ABCA8: variants seen among roughly 807,000 people sequenced by gnomAD.
ABCA8 encodes the protein ATP binding cassette subfamily A member 8.
In ABCA8, 177 loss-of-function variants were observed where a neutral mutation model predicts 192.3. The observed-to-expected ratio is 0.92, with a 90% CI of 0.81 to 1.04. ABCA8 has a LOEUF of 1.04. ABCA8 is among the 50% of genes least tolerant of loss of function. The pLI is 0.00. For synonymous variants in ABCA8, 642 were observed against 690.2 expected (o/e 0.93, Z 1.09); for missense variants, 1,915 against 1,904.8 (o/e 1.01, Z -0.10).
Position 68,922,232 on chromosome 17 carries a change from T to TAAAA in ABCA8, c.1501+9_1501+10insTTTT. 1.6e-6 allele frequency: 1 copy of TAAAA among 614,682 alleles called. No individual in the cohort carries two copies. 38.1% of individuals were successfully genotyped at this position (614,682 alleles called of 1,614,324 possible). ...TTTTTTTTTTTTTTTTTTTTTTTTT[T>TAAAA]TTTTTTTACCTTTCAAGGCTTCTAT... On this transcript the variant is annotated intron_variant, in intron 12 of 39. Transcript: ENST00000586539.
At chr17:68,888,831 T>C (rs2066557204) in intron 24 of ABCA8, among the ~76,000 whole-genome samples, 3 of 152,062 alleles carry the variant, frequency 2.0e-5, no homozygotes, top group African/African-American at 7.2e-5. Flanking sequence ...TTCGAAGCCA[T>C]AGAGCTAGAT....
intron 11 of ABCA8, among the ~76,000 whole-genome samples, chr17:68,923,313 C>T (rs544614534): frequency 9.2e-5 from 14 of 151,938 alleles, no homozygotes; most frequent in African/African-American, 3.1e-4. Context: ...GATTCTTGTG[C>T]CTCAGTCACC....
intron 37 of ABCA8, among the ~76,000 whole-genome samples, chr17:68,871,453 G>T (rs551887622): frequency 1.3e-5 from 2 of 152,300 alleles, no homozygotes; most frequent in South Asian, 4.2e-4. Context: ...TAACAGATGT[G>T]AGGTGATATC....
At position 68,943,690 on chromosome 17, in the gene ABCA8, T is replaced by C. The variant is rs566639054; in HGVS notation, c.-5-1651A>G. Among the ~76,000 whole-genome samples the C allele has an allele frequency of 3.9e-5, 6 of 152,172 alleles. No homozygotes were observed. In the East Asian group the frequency reaches 1.2e-3, roughly 29 times the overall value. On this transcript the variant is annotated intron_variant, in intron 2 of 39. Coordinates refer to ENST00000586539, the MANE Select transcript of ABCA8 (RefSeq NM_001288985.2). The stretch of plus-strand genomic sequence containing the variant: ...AAGGGACCCATGAACAGTTTCAGAA[T>C]TGGTAGAGTATTAGAGAAAGACATG...
At chr17:68,884,952 G>C in intron 27 of ABCA8, 1 of 725,018 alleles carries the variant, frequency 1.4e-6, no homozygotes, top group Non-Finnish European at 1.7e-6. Flanking sequence ...TGAGTATAAG[G>C]ACTACTCTGT....
At chr17:68,888,215 A>T (rs115600050) in intron 24 of ABCA8, among the ~76,000 whole-genome samples, 2,527 of 151,684 alleles carry the variant, frequency 0.017, 65 homozygotes, top group African/African-American at 0.056. Context: ...GTATCTACAT[A>T]AATATAAATA....
At chr17:68,869,588 A>G (rs539967088) in intron 38 of ABCA8, 112 bp downstream of exon 38, 18 of 789,726 alleles carry the variant, frequency 2.3e-5, no homozygotes, top group Non-Finnish European at 3.8e-5. Context: ...TGAGACTGTA[A>G]CTTTAAAATG....
rs747669065 is a variant in ABCA8, at chr17:68,949,606, C to T, written c.-166-134G>A. On this transcript the variant is annotated intron_variant, in intron 1 of 39. Coordinates refer to ENST00000586539, the MANE Select transcript of ABCA8 (RefSeq NM_001288985.2). ...AAAAGCTTATCCACCATGATCAAGT[C>T]GCTTCATCCCTGGGATGCAAGGCTA... 3.9e-5 allele frequency: 6 copies of T among 152,132 alleles called. No individual in the cohort carries two copies. In the East Asian group the frequency reaches 9.6e-4, roughly 24 times the overall value. 9.4% of individuals were successfully genotyped at this position (152,132 alleles called of 1,614,324 possible).
At chr17:68,872,536 C>G (rs1392549692) in intron 37 of ABCA8, among the ~76,000 whole-genome samples, 2 of 150,380 alleles carry the variant, frequency 1.3e-5, no homozygotes, top group Non-Finnish European at 3.0e-5. Flanking sequence ...ATGTAACTAA[C>G]CTGCACAATG....
Position 68,883,772 on chromosome 17 carries a change from C to T in ABCA8, c.3707+19G>A, listed in dbSNP as rs866898613. The T allele has an allele frequency of 6.9e-7, 1 of 1,443,162 alleles. No homozygotes were observed. The highest frequency in any genetic ancestry group is 1.4e-5 in the African/African-American group (1 of 69,554). 89.4% of individuals were successfully genotyped at this position (1,443,162 alleles called of 1,614,324 possible). ...CGATATTGATCAACAAAATAAAAAT[C>T]TGATGTGTTTTTTCCAACCTAAAGA... is the stretch of plus-strand genomic sequence containing the variant. On this transcript the variant is annotated intron_variant, in intron 29 of 39. Transcript: ENST00000586539.
At chr17:68,927,603 T>G (rs1293482399) in intron 10 of ABCA8, among the ~76,000 whole-genome samples, 1 of 151,962 alleles carries the variant, frequency 6.6e-6, no homozygotes, top group Non-Finnish European at 1.5e-5. Context: ...CAGCTATAAA[T>G]GACCATGATT....
At chr17:68,921,555 C>A in intron 12 of ABCA8, 63 bp from the exon 13 acceptor site, 1 of 1,036,568 alleles carries the variant, frequency 9.6e-7, no homozygotes, top group Non-Finnish European at 1.4e-6. Context: ...ATTAAAACCA[C>A]AAAAAATATT....
intron 6 of ABCA8, 146 bp downstream of exon 6, chr17:68,933,022 G>T (rs1364041186): frequency 1.6e-6 from 1 of 621,430 alleles, no homozygotes; most frequent in Non-Finnish European, 2.9e-6. Context: ...TACATTCCGT[G>T]GTATATAGTA....
intron 17 of ABCA8, among the ~76,000 whole-genome samples, chr17:68,912,936 C>G (rs1056842155): frequency 6.6e-6 from 1 of 152,146 alleles, no homozygotes; most frequent in Admixed American, 6.5e-5. Flanking sequence ...TATGCAATGG[C>G]TGCAGAATAC....
chr17:68,868,368 TGAA>T lies in ABCA8; in HGVS notation c.4712-15_4712-13del. 1 of 1,607,546 alleles carries T rather than the reference TGAA, an allele frequency of 6.2e-7. No homozygotes were observed. Among genetic ancestry groups the T allele is most frequent in the Non-Finnish European group, 8.5e-7 (1 of 1,174,194 alleles). Reference sequence around the variant, plus strand: ...AAAGCTCTGTTTAACTGCATAGGGATGAACATGTATTAGTTCATATATTTCATA... The same window carrying T: ...AAAGCTCTGTTTAACTGCATAGGGATCATGTATTAGTTCATATATTTCATA... On this transcript the variant is annotated splice_polypyrimidine_tract_variant and intron_variant, in intron 38 of 39. Transcript: ENST00000586539.
At chr17:68,876,597 C>A (rs746140977) in intron 34 of ABCA8, 31 bp downstream of exon 34, 2 of 1,614,168 alleles carry the variant, frequency 1.2e-6, no homozygotes, top group South Asian at 2.2e-5. Flanking sequence ...ATCTATGGCA[C>A]TTGCAGAGCA....
At chr17:68,887,794 T>G (rs114294298) in intron 24 of ABCA8, among the ~76,000 whole-genome samples, 2,429 of 148,498 alleles carry the variant, frequency 0.016, 67 homozygotes, top group African/African-American at 0.056. Context: ...GACTTACAGG[T>G]GGGTAGGGGT....
chr17:68,889,865 G>T (rs980416953), intron 24 of ABCA8, among the ~76,000 whole-genome samples: 2 of 152,056 alleles, frequency 1.3e-5, no homozygotes, highest in Non-Finnish European at 2.9e-5. Flanking sequence ...CACCTGTGTT[G>T]GTGCATTTAT....
Position 68,911,651 on chromosome 17 carries a change from T to C in ABCA8, c.2139-3772A>G, listed in dbSNP as rs1315721545. Among the ~76,000 whole-genome samples the C allele has an allele frequency of 1.3e-5, 2 of 152,042 alleles. No individual in the cohort carries two copies. The highest frequency in any genetic ancestry group is 2.4e-5 in the African/African-American group (1 of 41,398). On this transcript the variant is annotated intron_variant, in intron 17 of 39. Transcript: ENST00000586539. This position sits in a 1 kb window ranked among gnomAD's most constrained non-coding sequence, Gnocchi z 5.7. ...GGGAAAGACCCAGTGCTGTATTGGCTTTAGATCTGACCCAGCATAATCCTA... is the reference window on the plus strand; with the variant it reads ...GGGAAAGACCCAGTGCTGTATTGGCCTTAGATCTGACCCAGCATAATCCTA...
Sources: allele counts gnomAD v4.1 joint callset (sites outside exome capture counted in the v4.1 genomes callset), GRCh38; gene constraint gnomAD v4.1.1; non-coding constraint Gnocchi (gnomAD v3.1); transcripts MANE v1.5; gene names NCBI Gene and HGNC (gene_info 2026-07-23, HGNC 2026-07-21).